GPR158: variants seen among roughly 807,000 people sequenced by gnomAD.
GPR158 encodes G protein-coupled receptor 158, also known as metabotropic glycine receptor.
Under a neutral mutation model 78.2 loss-of-function variants are expected in GPR158, and 30 were observed. The observed-to-expected ratio is 0.38, with a 90% CI of 0.29 to 0.52. The LOEUF is 0.52. Ranked by LOEUF, GPR158 falls within the 20% of genes least tolerant of loss-of-function variation. The pLI, the probability that GPR158 is intolerant of heterozygous loss-of-function variation, is 0.83. For synonymous variants in GPR158, 581 were observed against 591.1 expected (o/e 0.98, Z 0.25); for missense variants, 1,463 against 1,523.5 (o/e 0.96, Z 0.66).
At chr10:25,575,818 A>G (rs978075662) in intron 7 of GPR158, among the ~76,000 whole-genome samples, 6 of 152,076 alleles carry the variant, frequency 3.9e-5, no homozygotes. Context: ...CAGGAGCCAT[A>G]ACGTAGAAAT....
intron 7 of GPR158, 108 bp from the exon 8 acceptor site, chr10:25,588,899 C>A: frequency 1.7e-6 from 1 of 585,216 alleles, no homozygotes; most frequent in South Asian, 4.1e-5. Flanking sequence ...CTTTCTAACC[C>A]ATCTATTTAT....
intron 5 of GPR158, among the ~76,000 whole-genome samples, chr10:25,474,917 T>G (rs542186948): frequency 2.6e-5 from 4 of 151,366 alleles, no homozygotes; most frequent in African/African-American, 9.8e-5. Context: ...TAAAAACACT[T>G]TCTCATGTTA....
chr10:25,316,463 TTTG>T (rs1854850831), intron 2 of GPR158, among the ~76,000 whole-genome samples: 1 of 152,190 alleles, frequency 6.6e-6, no homozygotes, highest in African/African-American at 2.4e-5. Context: ...CGATAGTGTT[TTTG>T]TTTGTTTGTA....
At chr10:25,585,768 C>G (rs1837258495) in intron 7 of GPR158, among the ~76,000 whole-genome samples, 1 of 152,100 alleles carries the variant, frequency 6.6e-6, no homozygotes, top group African/African-American at 2.4e-5. Flanking sequence ...TGCTTGAGGC[C>G]AGAAGTTTGA....
chr10:25,512,926 A>C (rs1266419405), intron 5 of GPR158, among the ~76,000 whole-genome samples: 1 of 152,012 alleles, frequency 6.6e-6, no homozygotes, highest in Non-Finnish European at 1.5e-5. Flanking sequence ...TGTTGGATTC[A>C]GTTAGCTAGT....
At position 25,348,396 on chromosome 10, in the gene GPR158, G is replaced by GACACACACACACAC. The variant is rs34088676; in HGVS notation, c.1009-47488_1009-47475dup. Among the ~76,000 whole-genome samples the GACACACACACACAC allele has an allele frequency of 1.4e-5, 2 of 141,692 alleles. 1 individual carries two copies. The highest frequency in any genetic ancestry group is 5.2e-5 in the African/African-American group (2 of 38,754). 93.0% of individuals were successfully genotyped at this position (141,692 alleles called of 152,430 possible). The stretch of plus-strand genomic sequence containing the variant: ...CCAGAAATGAAATTTTAGGAAGAAA[G>GACACACACACACAC]ACACACACACACACACACACACACA... On this transcript the variant is annotated intron_variant, in intron 2 of 10. Transcript: ENST00000376351.
chr10:25,431,990 C>T (rs1588860936), intron 4 of GPR158, among the ~76,000 whole-genome samples: 1 of 111,480 alleles, frequency 9.0e-6, no homozygotes, highest in Non-Finnish European at 2.1e-5. Flanking sequence ...TACCCTAAAA[C>T]TTAAAGTATA....
chr10:25,357,877 T>A (rs1347313025), intron 2 of GPR158, among the ~76,000 whole-genome samples: 2 of 151,998 alleles, frequency 1.3e-5, no homozygotes, highest in African/African-American at 4.8e-5. Context: ...ACTGAGAGCT[T>A]GTACTATGTG....
intron 2 of GPR158, among the ~76,000 whole-genome samples, chr10:25,310,995 C>T (rs148582916): frequency 6.9e-4 from 105 of 152,058 alleles, no homozygotes; most frequent in African/African-American, 2.3e-3. Context: ...TCTGAGAGCT[C>T]GCCTTTATCA....
intron 2 of GPR158, among the ~76,000 whole-genome samples, chr10:25,298,256 T>C (rs1321004463): frequency 6.6e-6 from 1 of 152,194 alleles, no homozygotes; most frequent in Non-Finnish European, 1.5e-5. Flanking sequence ...CGTATTTTAT[T>C]ACTAAATATT....
chr10:25,585,919 C>T (rs1191290142), intron 7 of GPR158, among the ~76,000 whole-genome samples: 5 of 152,148 alleles, frequency 3.3e-5, no homozygotes, highest in South Asian at 4.1e-4. Context: ...GCAGAGGTTG[C>T]AGTGTGCCAC....
chr10:25,328,211 T>G (rs1232770795), intron 2 of GPR158, among the ~76,000 whole-genome samples: 2 of 152,110 alleles, frequency 1.3e-5, no homozygotes, highest in African/African-American at 4.8e-5. Context: ...TAGAAATACA[T>G]AGATGCCAAG....
chr10:25,288,692 A>C (rs914864199), intron 2 of GPR158, among the ~76,000 whole-genome samples: 1 of 152,234 alleles, frequency 6.6e-6, no homozygotes, highest in Non-Finnish European at 1.5e-5. Context: ...TCATTCAGGC[A>C]GGGAACAAAG....
intron 6 of GPR158, among the ~76,000 whole-genome samples, chr10:25,560,120 C>A (rs531563146): frequency 6.6e-6 from 1 of 152,266 alleles, no homozygotes; most frequent in East Asian, 1.9e-4. Context: ...TATGAGCAGT[C>A]AAACTCAGCA....
intron 2 of GPR158, among the ~76,000 whole-genome samples, chr10:25,227,244 C>G (rs1486890387): frequency 6.6e-6 from 1 of 152,174 alleles, no homozygotes; most frequent in Non-Finnish European, 1.5e-5. Context: ...ATGTTCCCAG[C>G]AACTGAGCCA....
chr10:25,462,727 GAGAATT>G (rs1420671034), intron 4 of GPR158, among the ~76,000 whole-genome samples: 1 of 152,182 alleles, frequency 6.6e-6, no homozygotes, highest in South Asian at 2.1e-4. Context: ...AAAATAGCAA[GAGAATT>G]AGAATTAGCA....
Position 25,412,442 on chromosome 10 carries a change from T to C in GPR158, c.1304T>C (p.Met435Thr). Residue 435 changes from methionine (M) to threonine (T), a missense_variant, in exon 4 of 11, where the codon ATG (methionine) becomes ACG (threonine). Coordinates refer to ENST00000376351, the MANE Select transcript of GPR158 (RefSeq NM_020752.3). The stretch of plus-strand genomic sequence containing the variant: ...TGTATGCTGCTCGACTTCGTTAGCA[T>C]GCTGGTGGTCTACCACTTTCGCAAA... ...ALCMLLDFVS[M>T]LVVYHFRKAK... 2 of 1,614,006 alleles carry C rather than the reference T, an allele frequency of 1.2e-6. No homozygotes were observed. The highest frequency in any genetic ancestry group is 1.7e-6 in the Non-Finnish European group (2 of 1,179,864).
chr10:25,576,191 A>G (rs1837093363), intron 7 of GPR158, among the ~76,000 whole-genome samples: 1 of 151,968 alleles, frequency 6.6e-6, no homozygotes, highest in Admixed American at 6.6e-5. Context: ...GTAGTATTTT[A>G]TCCCTTATCC....
intron 6 of GPR158, among the ~76,000 whole-genome samples, chr10:25,565,585 A>G (rs1262521610): frequency 3.3e-5 from 5 of 152,190 alleles, no homozygotes. Flanking sequence ...ACTGTAACTG[A>G]AAAAAGTACT....
Sources: gnomAD v4.1 joint callset for allele counts (sites outside exome capture counted in the v4.1 genomes callset) on GRCh38, gnomAD v4.1.1 for gene constraint, MANE v1.5 for transcripts, NCBI Gene and HGNC (gene_info 2026-07-23, HGNC 2026-07-21) for gene names.